The following RPAP2 variants were observed in gnomAD, a reference collection of about 807,000 sequenced individuals.
RPAP2 encodes the protein RNA polymerase II associated protein 2, also known as putative RNA polymerase II subunit B1 CTD phosphatase RPAP2.
RPAP2 carries 52 observed loss-of-function variants against 73.1 expected under a neutral mutation model. That is an observed-to-expected ratio of 0.71 (90% CI 0.57 to 0.90). The LOEUF (loss-of-function observed/expected upper bound fraction) is 0.90, where lower values mean the gene tolerates loss of function less well. RPAP2 is among the 40% of genes least tolerant of loss of function. The probability of loss-of-function intolerance (pLI) is 0.00; values close to 1 mark genes in which losing one functional copy is unlikely to be tolerated. For synonymous variants in RPAP2, 225 were observed against 242.1 expected (o/e 0.93, Z 0.65); for missense variants, 598 against 701.8 (o/e 0.85, Z 1.67).
At chr1:92,328,597 G>T (rs901716899) in intron 8 of RPAP2, among the ~76,000 whole-genome samples, 2 of 152,012 alleles carry the variant, frequency 1.3e-5, no homozygotes, top group African/African-American at 4.8e-5. Context: ...CCTTTCTCTG[G>T]TGCCTCCTTG....
intron 11 of RPAP2, among the ~76,000 whole-genome samples, chr1:92,379,600 A>G (rs1443061196): frequency 6.6e-6 from 1 of 152,212 alleles, no homozygotes; most frequent in East Asian, 1.9e-4. Flanking sequence ...ATTGGTATGA[A>G]GTGCCTTACA....
intron 6 of RPAP2, among the ~76,000 whole-genome samples, chr1:92,320,142 A>G (rs559068764): frequency 4.3e-4 from 65 of 152,286 alleles, no homozygotes; most frequent in Non-Finnish European, 8.1e-4. Flanking sequence ...CTTTAGTCCA[A>G]GTTAGTCAAG....
intron 7 of RPAP2, 40 bp downstream of exon 7, chr1:92,320,674 T>C (rs1342935956): frequency 1.3e-6 from 2 of 1,532,698 alleles, no homozygotes; most frequent in South Asian, 1.1e-5. Context: ...TATATATTTA[T>C]GTTAATAGAA....
chr1:92,375,547 T>C (rs1056504524), intron 11 of RPAP2, among the ~76,000 whole-genome samples: 28 of 151,930 alleles, frequency 1.8e-4, no homozygotes, highest in South Asian at 8.3e-4. Context: ...ATACAAAAAA[T>C]TGGACAGGCG....
intron 8 of RPAP2, among the ~76,000 whole-genome samples, chr1:92,327,802 T>G (rs1200114766): frequency 6.6e-6 from 1 of 152,184 alleles, no homozygotes; most frequent in Non-Finnish European, 1.5e-5. Flanking sequence ...TTTCCAGGAT[T>G]TGTTTCAAGA....
chr1:92,376,864 T>C lies in RPAP2; in HGVS notation c.1689-3860T>C, dbSNP rs1020023948. Among the ~76,000 whole-genome samples, 22 of 152,338 alleles carry C rather than the reference T, an allele frequency of 1.4e-4. No individual in the cohort carries two copies. In the East Asian group the frequency reaches 4.1e-3, roughly 28 times the overall value. On this transcript the variant is annotated intron_variant, in intron 11 of 12. Coordinates refer to ENST00000610020, the MANE Select transcript of RPAP2 (RefSeq NM_024813.3). ...TAGGTTCAAAGCCCTAACCTGCTAC[T>C]TACTATCTTTGTGAACTTGGGGAAG... is the stretch of plus-strand genomic sequence containing the variant.
At chr1:92,321,587 A>C (rs1652267747) in intron 7 of RPAP2, among the ~76,000 whole-genome samples, 1 of 151,960 alleles carries the variant, frequency 6.6e-6, no homozygotes, top group Admixed American at 6.6e-5. Flanking sequence ...TGTTTGTTTC[A>C]AGTTTGTATT....
At chr1:92,333,216 A>T in intron 8 of RPAP2, 175 bp from the exon 9 acceptor site, 1 of 565,634 alleles carries the variant, frequency 1.8e-6, no homozygotes, top group Non-Finnish European at 3.1e-6. Flanking sequence ...AAAGAAGTTC[A>T]CAACAGCCTA....
intron 2 of RPAP2, among the ~76,000 whole-genome samples, chr1:92,300,536 G>A (rs1417387267): frequency 6.6e-6 from 1 of 152,140 alleles, no homozygotes; most frequent in East Asian, 1.9e-4. Flanking sequence ...ATATGCCAGA[G>A]ACTCACTCTC....
Position 92,387,187 on chromosome 1 carries a change from C to A in RPAP2, c.*176C>A. On this transcript the variant is annotated 3_prime_UTR_variant, in exon 13 of 13. Transcript: ENST00000610020. ...TTCAGTCCCCAACTGCAGAGGATGA[C>A]CTCCCCAGATAGAGGAGAATCATTA... 1 of 479,710 alleles carries A rather than the reference C, an allele frequency of 2.1e-6. No individual in the cohort carries two copies. The highest frequency in any genetic ancestry group is 3.7e-6 in the Non-Finnish European group (1 of 273,370). The allele number at this position is 479,710 out of a possible 1,614,324, so 29.7% of individuals were successfully genotyped here. A position where few individuals can be genotyped will look rare whatever the true frequency, so the allele number is the denominator to read the frequency against.
chr1:92,323,575 A>G lies in RPAP2; in HGVS notation c.655A>G (p.Asn219Asp). ...SSTHSDSSSD[N>D]EQDFVSSILP... ...CACTCACAGTGATAGTAGCAGTGAC[A>G]ATGAGCAAGACTTTGTTTCCTCCAT... Residue 219 changes from asparagine (N) to aspartate (D), a missense_variant, in exon 8 of 13, where the codon AAT (asparagine) becomes GAT (aspartate). Asn to Asp is a conservative substitution (Grantham distance 23). Transcript: ENST00000610020. 1 of 1,614,118 alleles carries G rather than the reference A, an allele frequency of 6.2e-7. No individual in the cohort carries two copies. The highest frequency in any genetic ancestry group is 2.2e-5 in the East Asian group (1 of 44,864).
intron 7 of RPAP2, 82 bp from the exon 8 acceptor site, chr1:92,323,363 T>C (rs1172031807): frequency 3.2e-6 from 3 of 944,916 alleles, no homozygotes; most frequent in Non-Finnish European, 4.8e-6. Flanking sequence ...ATAAATACTA[T>C]GGGGTACTTT....
chr1:92,311,069 T>C (rs1253332623), intron 6 of RPAP2, among the ~76,000 whole-genome samples: 4 of 152,252 alleles, frequency 2.6e-5, no homozygotes, highest in African/African-American at 7.2e-5. Context: ...TGATATTTTC[T>C]ACTCTGTTGC....
At chr1:92,337,202 A>G (rs55993081) in intron 10 of RPAP2, among the ~76,000 whole-genome samples, 15,417 of 152,044 alleles carry the variant, frequency 0.1, 2,341 homozygotes, top group African/African-American at 0.34. Context: ...TTTATCATAT[A>G]TATTTATTAT....
rs1053434485 is a variant in RPAP2 at position 92,391,316 on chromosome 1, G to C, written c.*4305G>C. On this transcript the variant is annotated 3_prime_UTR_variant, in exon 13 of 13. Transcript: ENST00000610020. ...ATAACGAAATGAAGGCAGAAATAAAGATGTTCTTTGGAACCAACGAGAACA... is the reference window on the plus strand; with the variant it reads ...ATAACGAAATGAAGGCAGAAATAAACATGTTCTTTGGAACCAACGAGAACA... 6.6e-6 allele frequency: 1 copy of C among 152,110 alleles called. No individual in the cohort carries two copies. Among genetic ancestry groups the C allele is most frequent in the African/African-American group, 2.4e-5 (1 of 41,416 alleles). 9.4% of individuals were successfully genotyped at this position (152,110 alleles called of 1,614,324 possible).
chr1:92,345,439 G>A (rs1242260707), intron 10 of RPAP2, among the ~76,000 whole-genome samples: 1 of 149,128 alleles, frequency 6.7e-6, no homozygotes, highest in Non-Finnish European at 1.5e-5. Flanking sequence ...AAGGAAGGAA[G>A]GGAGGGAGGG....
intron 8 of RPAP2, among the ~76,000 whole-genome samples, chr1:92,327,216 G>C (rs1416533711): frequency 6.6e-6 from 1 of 152,106 alleles, no homozygotes; most frequent in Non-Finnish European, 1.5e-5. Flanking sequence ...TGATCATTCA[G>C]GAACAGGTCT....
intron 10 of RPAP2, among the ~76,000 whole-genome samples, chr1:92,344,424 G>A (rs909084040): frequency 1.3e-5 from 2 of 152,048 alleles, no homozygotes; most frequent in African/African-American, 4.8e-5. Context: ...AATGCTATAC[G>A]ATGTTTGCTT....
Position 92,392,190 on chromosome 1 carries a change from C to T in RPAP2, c.*5179C>T, listed in dbSNP as rs1656069251. The stretch of plus-strand genomic sequence containing the variant: ...TATCAAAAAGCTTATCCACCACGAT[C>T]AAGTCAGCTTCTTCCCTGGGATGCA... On this transcript the variant is annotated 3_prime_UTR_variant, in exon 13 of 13. Coordinates refer to ENST00000610020, the MANE Select transcript of RPAP2 (RefSeq NM_024813.3). The T allele has an allele frequency of 2.0e-5, 3 of 152,320 alleles. No individual in the cohort carries two copies. In the South Asian group the frequency reaches 6.2e-4, roughly 32 times the overall value. 9.4% of individuals were successfully genotyped at this position (152,320 alleles called of 1,614,324 possible).
Sources: allele counts gnomAD v4.1 joint callset (sites outside exome capture counted in the v4.1 genomes callset), GRCh38; gene constraint gnomAD v4.1.1; transcripts MANE v1.5; gene names NCBI Gene and HGNC (gene_info 2026-07-23, HGNC 2026-07-21).